Variants in NRAP observed in about 807,000 individuals in gnomAD.
The protein encoded by NRAP is nebulin related anchoring protein, also known as nebulin-related-anchoring protein.
A neutral mutation model predicts 225.9 loss-of-function variants in NRAP; 189 were observed. That is an observed-to-expected ratio of 0.84 (90% CI 0.74 to 0.94). The LOEUF is 0.94. Among genes scored for constraint, NRAP ranks in the 40% least tolerant of loss-of-function variants. The probability of loss-of-function intolerance (pLI) is 0.00; values close to 1 mark genes in which losing one functional copy is unlikely to be tolerated. For synonymous variants in NRAP, 769 were observed against 790.7 expected (o/e 0.97, Z 0.46); for missense variants, 2,176 against 2,168.7 (o/e 1.00, Z -0.07).
intron 12 of NRAP, among the ~76,000 whole-genome samples, chr10:113,642,398 T>G (rs1457986021): frequency 6.6e-6 from 1 of 152,186 alleles, no homozygotes; most frequent in Non-Finnish European, 1.5e-5. Flanking sequence ...TATGTGCAAC[T>G]AAGCAAAAGT....
Position 113,650,314 on chromosome 10 carries a change from T to C in NRAP, c.783+124A>G, listed in dbSNP as rs181011909. The C allele has an allele frequency of 8.4e-5, 70 of 830,172 alleles. No homozygotes were observed. The African/African-American group carries it at 1.0e-3, about 12-fold the overall frequency. The allele number at this position is 830,172 out of a possible 1,614,324, so 51.4% of individuals were successfully genotyped here. Reference sequence around the variant, plus strand: ...GTCATTGGTAAAATTGACTTAAAACTATAAAGGAAAACTACTCCCTGGCTT... The same window carrying C: ...GTCATTGGTAAAATTGACTTAAAACCATAAAGGAAAACTACTCCCTGGCTT... On this transcript the variant is annotated intron_variant, in intron 8 of 41. Coordinates refer to ENST00000359988, the MANE Select transcript of NRAP (RefSeq NM_198060.4).
intron 26 of NRAP, 76 bp from the exon 27 acceptor site, chr10:113,615,892 G>T (rs1384899087): frequency 2.4e-6 from 2 of 850,024 alleles, no homozygotes; most frequent in Non-Finnish European, 4.0e-6. Flanking sequence ...CGCTTCAAGA[G>T]TCCAAGCTGC....
chr10:113,618,294 C>A (rs1444880833), intron 25 of NRAP, among the ~76,000 whole-genome samples: 1 of 152,152 alleles, frequency 6.6e-6, no homozygotes, highest in Non-Finnish European at 1.5e-5. Flanking sequence ...TCAATGAGAT[C>A]ATAGAGTTTA....
At chr10:113,645,681 T>A in intron 11 of NRAP, 144 bp downstream of exon 11, 2 of 504,560 alleles carry the variant, frequency 4.0e-6, no homozygotes, top group Admixed American at 3.3e-5. Flanking sequence ...CCTCCCAAAG[T>A]GCTGGGATCA....
Position 113,640,298 on chromosome 10 carries a change from CA to C in NRAP, c.1356del (p.Ile452MetfsTer18). 6.2e-7 allele frequency: 1 copy of C among 1,600,518 alleles called. No homozygotes were observed. The highest frequency in any genetic ancestry group is 8.5e-7 in the Non-Finnish European group (1 of 1,173,630). On this transcript the variant is annotated frameshift_variant, in exon 14 of 42. Transcript: ENST00000359988. LOFTEE classifies it high-confidence loss of function. The part of the protein sequence containing the change: ...VAYKADYKHD[I>X]VDYNYPATLT... ...AGAGTGGCTGGGTAGTTGTAGTCGA[CA>C]ATATCATGTTTATAATCAGCTTTGT...
intron 38 of NRAP, among the ~76,000 whole-genome samples, chr10:113,593,753 C>T (rs573848569): frequency 1.3e-5 from 2 of 152,316 alleles, no homozygotes; most frequent in South Asian, 4.1e-4. Flanking sequence ...AGAGTCAAAA[C>T]CCTGATCACT....
At chr10:113,637,527 A>G (rs1848945017) in intron 14 of NRAP, among the ~76,000 whole-genome samples, 1 of 152,258 alleles carries the variant, frequency 6.6e-6, no homozygotes. Context: ...GCATTCTAGA[A>G]ACAAACAAAT....
intron 34 of NRAP, 81 bp downstream of exon 34, chr10:113,605,681 C>A: frequency 1.1e-6 from 1 of 928,448 alleles, no homozygotes; most frequent in Non-Finnish European, 1.8e-6. Context: ...TGCTTTAATT[C>A]AGGAAAATCA....
rs374464126 is a variant in NRAP at position 113,595,593 on chromosome 10, A to T, written c.4536+30T>A. On this transcript the variant is annotated intron_variant, in intron 38 of 41. Transcript: ENST00000359988. ...CACAGATCATTTTACAAAAGTGGGCACACGTTCCATGAACCACCAGTTCAC... is the reference window on the plus strand; with the variant it reads ...CACAGATCATTTTACAAAAGTGGGCTCACGTTCCATGAACCACCAGTTCAC... 6.7e-4 allele frequency: 933 copies of T among 1,394,250 alleles called. 1 individual carries two copies. The highest frequency in any genetic ancestry group is 8.8e-4 in the Non-Finnish European group (867 of 980,450). 86.4% of individuals were successfully genotyped at this position (1,394,250 alleles called of 1,614,324 possible). A position where few individuals can be genotyped will look rare whatever the true frequency, so the allele number is the denominator to read the frequency against.
At chr10:113,599,306 G>A (rs1353293436) in intron 35 of NRAP, among the ~76,000 whole-genome samples, 2 of 152,214 alleles carry the variant, frequency 1.3e-5, no homozygotes, top group Non-Finnish European at 2.9e-5. Context: ...GGTGAAGGGA[G>A]ACATCACTCA....
At chr10:113,653,966 C>T in intron 5 of NRAP, 55 bp downstream of exon 5, 2 of 1,032,116 alleles carry the variant, frequency 1.9e-6, no homozygotes, top group Non-Finnish European at 3.1e-6. Flanking sequence ...AACAGTCAAA[C>T]TAATTGCTAA....
intron 14 of NRAP, among the ~76,000 whole-genome samples, chr10:113,637,997 T>C (rs987134550): frequency 1.4e-4 from 22 of 152,206 alleles, no homozygotes; most frequent in Non-Finnish European, 3.1e-4. Flanking sequence ...TTCTGAGTTT[T>C]GGACATGGGG....
intron 27 of NRAP, 142 bp from the exon 28 acceptor site, chr10:113,615,088 G>T: frequency 1.6e-6 from 1 of 635,970 alleles, no homozygotes. Flanking sequence ...TGGTGGCTTA[G>T]CTAAACCCAC....
chr10:113,631,478 G>C (rs1321976798), intron 18 of NRAP, 31 bp downstream of exon 18: 1 of 1,363,590 alleles, frequency 7.3e-7, no homozygotes, highest in African/African-American at 1.5e-5. Context: ...ACAACTGTAA[G>C]TGAGAGGTTG....
At chr10:113,590,272 G>GAGTA (rs1845886124) in intron 40 of NRAP, among the ~76,000 whole-genome samples, 1 of 152,214 alleles carries the variant, frequency 6.6e-6, no homozygotes, top group African/African-American at 2.4e-5. Context: ...ATGGGATCTT[G>GAGTA]AGTAAGTCAC....
intron 30 of NRAP, among the ~76,000 whole-genome samples, chr10:113,611,571 G>A (rs1400505619): frequency 6.6e-6 from 1 of 152,100 alleles, no homozygotes; most frequent in Non-Finnish European, 1.5e-5. Flanking sequence ...TTCAGAAATC[G>A]GGATCACGAG....
chr10:113,663,232 C>A (rs1850802193), intron 2 of NRAP, 120 bp downstream of exon 2: 2 of 673,570 alleles, frequency 3.0e-6, no homozygotes, highest in Admixed American at 2.3e-5. Context: ...CAAGGGAACA[C>A]TTTGGGAGAA....
At chr10:113,663,236 G>A (rs1850802773) in intron 2 of NRAP, 116 bp downstream of exon 2, 2 of 676,260 alleles carry the variant, frequency 3.0e-6, no homozygotes, top group South Asian at 1.8e-5. Context: ...GGAACACTTT[G>A]GGAGAAGATA....
At position 113,633,140 on chromosome 10, in the gene NRAP, G is replaced by A. The variant is rs893817042; in HGVS notation, c.1576C>T (p.Pro526Ser). The change falls in exon 16 of 42, where the codon CCC (proline) becomes TCC (serine). Residue 526 changes from proline to serine, a missense_variant. Around this residue, in one of 3 missense-constraint regions of NRAP, gnomAD observed 1,708 missense variants for 1,695.5 expected, o/e 1.01. Transcript: ENST00000359988. ...YEKNKLNYTL[P>S]QDVPQLVKAK... The stretch of plus-strand genomic sequence containing the variant: ...TTCACCAGCTGAGGAACATCCTGGG[G>A]CAATGTGTAATTCAACTTATTTTTC... The A allele has an allele frequency of 1.2e-6, 2 of 1,610,184 alleles. No homozygotes were observed. The highest frequency in any genetic ancestry group is 1.7e-6 in the Non-Finnish European group (2 of 1,176,400).
Sources: allele counts gnomAD v4.1 joint callset (sites outside exome capture counted in the v4.1 genomes callset), GRCh38; gene constraint gnomAD v4.1.1; regional missense constraint gnomAD v4.1.1; transcripts MANE v1.5; gene names NCBI Gene and HGNC (gene_info 2026-07-23, HGNC 2026-07-21).